Variants in MAT1A observed in about 807,000 individuals in gnomAD.
MAT1A encodes the protein S-adenosylmethionine synthase isoform type-1.
Under a neutral mutation model 44.0 loss-of-function variants are expected in MAT1A, and 19 were observed. That is an observed-to-expected ratio of 0.43 (90% CI 0.30 to 0.63). The LOEUF (loss-of-function observed/expected upper bound fraction) is 0.63. Ranked by LOEUF, MAT1A falls within the 30% of genes least tolerant of loss-of-function variation. MAT1A has a pLI of 0.12. For missense variants in MAT1A, 397 were observed against 531.0 expected (o/e 0.75, Z 2.48); for synonymous variants, 205 against 205.6 (o/e 1.00, Z 0.03).
intron 1 of MAT1A, among the ~76,000 whole-genome samples, chr10:80,286,121 G>A (rs1001424347): frequency 7.9e-5 from 12 of 152,158 alleles, no homozygotes; most frequent in South Asian, 2.1e-4. Flanking sequence ...TAGCCACTGC[G>A]CCCGGTCAAA....
intron 1 of MAT1A, among the ~76,000 whole-genome samples, chr10:80,286,575 T>C (rs1841653840): frequency 6.6e-6 from 1 of 152,236 alleles, no homozygotes; most frequent in South Asian, 2.1e-4. Flanking sequence ...CAACATGAGC[T>C]GGAATTTGAT....
At chr10:80,278,669 A>G (rs1427424035) in intron 5 of MAT1A, among the ~76,000 whole-genome samples, 1 of 152,232 alleles carries the variant, frequency 6.6e-6, no homozygotes, top group East Asian at 1.9e-4. Flanking sequence ...CTTTGGGCAT[A>G]AGCACACTTC....
rs770557080 is a variant in MAT1A, at chr10:80,275,101, C to T, written c.867G>A (p.Lys289=). The T allele has an allele frequency of 1.6e-5, 26 of 1,606,956 alleles. No individual in the cohort carries two copies. Among genetic ancestry groups the T allele is most frequent in the Admixed American group, 5.1e-5 (3 of 59,058 alleles). The change falls in exon 7 of 9, where the codon AAG becomes AAA. Residue 289 remains lysine (K), a synonymous_variant. Coordinates refer to ENST00000372213, the MANE Select transcript of MAT1A (RefSeq NM_000429.3). ...GGAFSGKDYT[K]VDRSAAYAAR... Reference sequence around the variant, plus strand: ...CAGCATATGCAGCTGAGCGGTCTACCTTGGTGTAGTCCTTCCCAGAGAAGG... The same window carrying T: ...CAGCATATGCAGCTGAGCGGTCTACTTTGGTGTAGTCCTTCCCAGAGAAGG...
At chr10:80,274,941 AC>A in intron 7 of MAT1A, 75 bp downstream of exon 7, 6 of 1,504,616 alleles carry the variant, frequency 4.0e-6, no homozygotes, top group Non-Finnish European at 3.6e-6. Context: ...CACCGGGCCA[AC>A]ATCCCCTCAC....
At position 80,285,433 on chromosome 10, in the gene MAT1A, C is replaced by T. The variant is rs186021419; in HGVS notation, c.169+79G>A. The T allele has an allele frequency of 3.7e-5, 45 of 1,205,630 alleles. No homozygotes were observed. In the East Asian group the frequency reaches 6.5e-4, roughly 17 times the overall value. The allele number at this position is 1,205,630 out of a possible 1,614,324, so 74.7% of individuals were successfully genotyped here. On this transcript the variant is annotated intron_variant, in intron 2 of 8. Coordinates refer to ENST00000372213, the MANE Select transcript of MAT1A (RefSeq NM_000429.3). ...GATTTTGGAACTGAGGAGTATGGCTCGTTTGTCTTATACCCATGATTAATT... is the reference window on the plus strand; with the variant it reads ...GATTTTGGAACTGAGGAGTATGGCTTGTTTGTCTTATACCCATGATTAATT...
At position 80,283,884 on chromosome 10, in the gene MAT1A, C is replaced by A. The variant is rs200544804; in HGVS notation, c.292+32G>T. The A allele has an allele frequency of 9.6e-4, 1,552 of 1,613,212 alleles. 1 individual carries two copies. Among genetic ancestry groups the A allele is most frequent in the Non-Finnish European group, 1.2e-3 (1,460 of 1,180,040 alleles). On this transcript the variant is annotated intron_variant, in intron 3 of 8. Transcript: ENST00000372213. ...TGGGGTCTCTATCAGCAGAGAGCAACAGGGATTTCAGACCCGGAGGCCTGC... is the reference window on the plus strand; with the variant it reads ...TGGGGTCTCTATCAGCAGAGAGCAAAAGGGATTTCAGACCCGGAGGCCTGC...
intron 8 of MAT1A, 144 bp downstream of exon 8, chr10:80,274,376 G>A (rs2132701007): frequency 2.6e-6 from 3 of 1,167,796 alleles, no homozygotes; most frequent in Non-Finnish European, 3.8e-6. Context: ...CACTGGGGAT[G>A]CACTGTGCTG....
chr10:80,280,846 A>G lies in MAT1A; in HGVS notation c.293-54T>C, dbSNP rs71481597. On this transcript the variant is annotated intron_variant, in intron 3 of 8. Transcript: ENST00000372213. ...GGGAACAGGTCAGAAGGAGGGGGCC[A>G]CAAACTTCCCAATGGATGGCTCGGT... The G allele has an allele frequency of 0.076, 97,872 of 1,296,188 alleles. 4,316 individuals are homozygous for G. The highest frequency in any genetic ancestry group is 0.092 in the Middle Eastern group (508 of 5,500). The allele number at this position is 1,296,188 out of a possible 1,614,324, so 80.3% of individuals were successfully genotyped here.
At chr10:80,274,482 A>T (rs1052560870) in intron 8 of MAT1A, 38 bp downstream of exon 8, 1 of 1,613,776 alleles carries the variant, frequency 6.2e-7, no homozygotes, top group Admixed American at 1.7e-5. Context: ...GCAAGGAAGG[A>T]GCAAGGTCCT....
intron 3 of MAT1A, among the ~76,000 whole-genome samples, chr10:80,282,096 T>C (rs185905385): frequency 6.6e-6 from 1 of 152,336 alleles, no homozygotes; most frequent in East Asian, 1.9e-4. Context: ...CACAAATCAA[T>C]GAACAGTCTT....
At chr10:80,286,784 A>G (rs912864256) in intron 1 of MAT1A, among the ~76,000 whole-genome samples, 5 of 152,236 alleles carry the variant, frequency 3.3e-5, no homozygotes, top group Non-Finnish European at 1.5e-5. Flanking sequence ...TGCTCTTAAT[A>G]GAGTAATATG....
In MAT1A at chr10:80,273,819, C is replaced by T. The variant is rs773105969; in HGVS notation, c.1150G>A (p.Glu384Lys). 6.2e-7 allele frequency: 1 copy of T among 1,613,858 alleles called. No homozygotes were observed. Among genetic ancestry groups the T allele is most frequent in the South Asian group, 1.1e-5 (1 of 91,060 alleles). The change falls in exon 9 of 9, where the codon GAG becomes AAG. Residue 384 changes from glutamate to lysine, a missense_variant. Transcript: ENST00000372213. ...TTCCTGGGAACCTCCCATGGGAACT[C>T]GCTTCTTCCGAAATGGCCGTAGCAT... ...TACYGHFGRS[E>K]FPWEVPRKLV...
rs10788546 is a variant in MAT1A, at chr10:80,275,098, T to C, written c.870A>G (p.Val290=). ...GGGCAGCATATGCAGCTGAGCGGTC[T>C]ACCTTGGTGTAGTCCTTCCCAGAGA... ...GAFSGKDYTK[V]DRSAAYAARW... Residue 290 remains valine (V), a synonymous_variant, in exon 7 of 9, where the codon GTA becomes GTG. Coordinates refer to ENST00000372213, the MANE Select transcript of MAT1A (RefSeq NM_000429.3). 1,082,398 of 1,602,276 alleles carry C rather than the reference T, an allele frequency of 0.68. 372,274 individuals are homozygous for C. The highest frequency in any genetic ancestry group is 0.95 in the East Asian group (42,150 of 44,394).
chr10:80,280,794 T>C lies in MAT1A; in HGVS notation c.293-2A>G, dbSNP rs1229896690. 2 of 1,612,474 alleles carry C rather than the reference T, an allele frequency of 1.2e-6. No individual in the cohort carries two copies. The highest frequency in any genetic ancestry group is 1.3e-5 in the African/African-American group (1 of 75,010). On this transcript the variant is annotated splice_acceptor_variant, in intron 3 of 8. Transcript: ENST00000372213. LOFTEE classifies it high-confidence loss of function. The stretch of plus-strand genomic sequence containing the variant: ...CGTTGCAAGTCTTGAAGTCAAAGCC[T>C]AGGCGGAAGCAAAGTGAGCCTAAGT...
At position 80,283,290 on chromosome 10, in the gene MAT1A, T is replaced by C. The variant is rs569218380; in HGVS notation, c.292+626A>G. Among the ~76,000 whole-genome samples the C allele has an allele frequency of 1.6e-3, 242 of 152,374 alleles. 2 individuals carry two copies. The highest frequency in any genetic ancestry group is 5.7e-3 in the African/African-American group (238 of 41,600). On this transcript the variant is annotated intron_variant, in intron 3 of 8. Coordinates refer to ENST00000372213, the MANE Select transcript of MAT1A (RefSeq NM_000429.3). Reference sequence around the variant, plus strand: ...CTGCTCAGTCTCAGATGTTGGAATCTGCTTCAAAGTTCTGCTAGGGCCTGT... The same window carrying C: ...CTGCTCAGTCTCAGATGTTGGAATCCGCTTCAAAGTTCTGCTAGGGCCTGT...
chr10:80,277,152 T>A (rs1166234261), intron 5 of MAT1A, among the ~76,000 whole-genome samples: 1 of 152,210 alleles, frequency 6.6e-6, no homozygotes, highest in Non-Finnish European at 1.5e-5. Context: ...GGCCCAATAC[T>A]GCCGAAAGCA....
Position 80,273,566 on chromosome 10 carries a change from C to T in MAT1A, c.*215G>A. The stretch of plus-strand genomic sequence containing the variant: ...GTCTGAGGGAGCAGCAGGAGAACAC[C>T]ATGCCCATCCTTACATCAAGATCCA... On this transcript the variant is annotated 3_prime_UTR_variant, in exon 9 of 9. Coordinates refer to ENST00000372213, the MANE Select transcript of MAT1A (RefSeq NM_000429.3). 2 of 582,152 alleles carry T rather than the reference C, an allele frequency of 3.4e-6. No homozygotes were observed. Among genetic ancestry groups the T allele is most frequent in the East Asian group, 2.9e-5 (1 of 33,932 alleles). The allele number at this position is 582,152 out of a possible 1,614,324, so 36.1% of individuals were successfully genotyped here.
chr10:80,276,391 G>A lies in MAT1A; in HGVS notation c.753C>T (p.Val251=), dbSNP rs754266608. ...AAGAATGCACCTGGGGACCTCCGAT[G>A]ACAAACCGCCCACTGGGCTGCAGGT... ...VYHLQPSGRF[V]IGGPQGDAGV... is the part of the protein sequence containing the mutation. The change falls in exon 6 of 9, where the codon GTC becomes GTT. Residue 251 remains valine, a synonymous_variant. Transcript: ENST00000372213. The A allele has an allele frequency of 1.2e-6, 2 of 1,613,974 alleles. No homozygotes were observed. The highest frequency in any genetic ancestry group is 1.3e-5 in the African/African-American group (1 of 74,938).
In MAT1A at chr10:80,273,205, T is replaced by C. The variant is rs566190628; in HGVS notation, c.*576A>G. The C allele has an allele frequency of 3.0e-5, 5 of 164,174 alleles. No individual in the cohort carries two copies. Among genetic ancestry groups the C allele is most frequent in the Non-Finnish European group, 5.3e-5 (4 of 74,988 alleles). The allele number at this position is 164,174 out of a possible 1,614,324, so 10.2% of individuals were successfully genotyped here. ...GGATATAAAAGGTACTACCTCATCA[T>C]GTTGCAGTGAAGAAAAAACGAGATC... is the stretch of plus-strand genomic sequence containing the variant. On this transcript the variant is annotated 3_prime_UTR_variant, in exon 9 of 9. Transcript: ENST00000372213.
Sources: gnomAD v4.1 joint callset for allele counts (sites outside exome capture counted in the v4.1 genomes callset) on GRCh38, gnomAD v4.1.1 for gene constraint, MANE v1.5 for transcripts, NCBI Gene and HGNC (gene_info 2026-07-23, HGNC 2026-07-21) for gene names.